CNTLN: variants seen among roughly 807,000 people sequenced by gnomAD.
The protein encoded by CNTLN is centlein, centrosomal protein.
In CNTLN, 212 loss-of-function variants were observed where a neutral mutation model predicts 180.0. That is an observed-to-expected ratio of 1.18 (90% CI 1.05 to 1.32). The LOEUF is 1.32. Among genes scored for constraint, CNTLN ranks in the 40% most tolerant of loss-of-function variants. The probability of loss-of-function intolerance (pLI) is 0.00; values close to 1 mark genes in which losing one functional copy is unlikely to be tolerated. For synonymous variants in CNTLN, 722 were observed against 563.1 expected, an observed-to-expected ratio of 1.28 and a Z score of -3.99; for missense variants, 2,095 against 1,610.9, an observed-to-expected ratio of 1.30 and a Z score of -5.14.
rs112743663 is a variant in CNTLN, at chr9:17,190,165, C to T, written c.450-36038C>T. 9.6e-3 allele frequency among the ~76,000 whole-genome samples: 1,425 copies of T among 147,962 alleles called. 38 individuals carry two copies. Among genetic ancestry groups the T allele is most frequent in the African/African-American group, 0.035 (1,374 of 39,734 alleles). On this transcript the variant is annotated intron_variant, in intron 2 of 25. Transcript: ENST00000380647. ...GGAACACTGTCTCTATCTAGTAAGC[C>T]GGGGGCAATCATAGAACTTACTTCA...
chr9:17,277,120 A>T (rs899753555), intron 6 of CNTLN, among the ~76,000 whole-genome samples: 1 of 76,380 alleles, frequency 1.3e-5, no homozygotes, highest in Non-Finnish European at 2.7e-5. Context: ...ATAGTCATTT[A>T]TATTTTATTG....
At chr9:17,461,698 A>G (rs913434063) in intron 19 of CNTLN, among the ~76,000 whole-genome samples, 2 of 151,702 alleles carry the variant, frequency 1.3e-5, no homozygotes, top group African/African-American at 4.8e-5. Context: ...ATTGTAGTTT[A>G]GAAATATTAG....
intron 2 of CNTLN, among the ~76,000 whole-genome samples, chr9:17,177,834 A>G (rs909544212): frequency 3.7e-4 from 56 of 152,190 alleles, no homozygotes; most frequent in Non-Finnish European, 7.8e-4. Context: ...CAAAGCTTCC[A>G]CAGTATGGAA....
intron 6 of CNTLN, among the ~76,000 whole-genome samples, chr9:17,285,331 A>C (rs1381967395): frequency 6.7e-6 from 1 of 149,790 alleles, no homozygotes; most frequent in Admixed American, 6.6e-5. Context: ...AAAGGACACG[A>C]ACTCATCATT....
At chr9:17,389,341 T>A (rs1012717526) in intron 14 of CNTLN, among the ~76,000 whole-genome samples, 1 of 152,238 alleles carries the variant, frequency 6.6e-6, no homozygotes, top group South Asian at 2.1e-4. Context: ...CACACTAGCT[T>A]ATCACCGTTT....
chr9:17,418,959 T>G (rs762097593), intron 18 of CNTLN, among the ~76,000 whole-genome samples: 17 of 152,114 alleles, frequency 1.1e-4, no homozygotes, highest in Non-Finnish European at 1.6e-4. Flanking sequence ...CATTGCAATG[T>G]GTTTTAAACC....
chr9:17,301,694 C>G lies in CNTLN; in HGVS notation c.1146+3342C>G, dbSNP rs188757543. ...TTTCATTAGTATCCTCAACTAGACT[C>G]AATTTGAAAATATTCTTCTTATTTA... is the stretch of plus-strand genomic sequence containing the variant. On this transcript the variant is annotated intron_variant, in intron 7 of 25. Transcript: ENST00000380647. 6.2e-6 allele frequency: 6 copies of G among 961,752 alleles called. No homozygotes were observed. In the African/African-American group the frequency reaches 7.1e-5, roughly 11 times the overall value. The allele number at this position is 961,752 out of a possible 1,614,324, so 59.6% of individuals were successfully genotyped here. A position where few individuals can be genotyped will look rare whatever the true frequency, so the allele number is the denominator to read the frequency against.
At chr9:17,346,749 G>T (rs751990228) in intron 12 of CNTLN, among the ~76,000 whole-genome samples, 1 of 152,100 alleles carries the variant, frequency 6.6e-6, no homozygotes, top group Non-Finnish European at 1.5e-5. Flanking sequence ...TGAATCCCTA[G>T]GTTTGTGACT....
intron 12 of CNTLN, among the ~76,000 whole-genome samples, chr9:17,345,729 A>T (rs1348183676): frequency 6.6e-6 from 1 of 152,050 alleles, no homozygotes; most frequent in East Asian, 1.9e-4. Context: ...TCATCACAAG[A>T]TGTGATAGGT....
chr9:17,297,413 AT>A (rs1818024688), intron 6 of CNTLN, among the ~76,000 whole-genome samples: 2 of 152,208 alleles, frequency 1.3e-5, no homozygotes, highest in Admixed American at 1.3e-4. Flanking sequence ...CTTTATAAAT[AT>A]TTCTCGGTTC....
In CNTLN at chr9:17,502,967, G is replaced by A. The variant is rs747621754; in HGVS notation, c.*315G>A. 7.1e-4 allele frequency: 114 copies of A among 160,586 alleles called. No homozygotes were observed. Among genetic ancestry groups the A allele is most frequent in the Admixed American group, 2.1e-3 (33 of 15,480 alleles). 9.9% of individuals were successfully genotyped at this position (160,586 alleles called of 1,614,324 possible). On this transcript the variant is annotated 3_prime_UTR_variant, in exon 26 of 26. Coordinates refer to ENST00000380647, the MANE Select transcript of CNTLN (RefSeq NM_017738.4). ...AGGCTTGGTACACACAAATTGGCCTGAGCATAAGAAGAAAAAGTATCAACT... is the reference window on the plus strand; with the variant it reads ...AGGCTTGGTACACACAAATTGGCCTAAGCATAAGAAGAAAAAGTATCAACT...
chr9:17,266,734 C>A (rs561968666), intron 5 of CNTLN, among the ~76,000 whole-genome samples: 4 of 152,084 alleles, frequency 2.6e-5, no homozygotes, highest in Non-Finnish European at 5.9e-5. Flanking sequence ...GTATTGGGTG[C>A]ATATATATTT....
intron 2 of CNTLN, among the ~76,000 whole-genome samples, chr9:17,164,564 G>A (rs951489443): frequency 8.0e-5 from 11 of 138,336 alleles, no homozygotes; most frequent in South Asian, 7.0e-4. Context: ...TCCCTGGTTC[G>A]GCCTCCCGAG....
At chr9:17,245,536 A>G (rs556031153) in intron 5 of CNTLN, among the ~76,000 whole-genome samples, 21 of 151,138 alleles carry the variant, frequency 1.4e-4, no homozygotes, top group East Asian at 7.8e-4. Flanking sequence ...TTTGGGTTAC[A>G]TCTACTTCAT....
At chr9:17,207,053 C>T (rs981783911) in intron 2 of CNTLN, among the ~76,000 whole-genome samples, 1 of 152,160 alleles carries the variant, frequency 6.6e-6, no homozygotes, top group Admixed American at 6.5e-5. Context: ...GGTGAATCCG[C>T]CACAGTCTGG....
intron 1 of CNTLN, among the ~76,000 whole-genome samples, chr9:17,139,930 C>T (rs758855481): frequency 7.2e-5 from 11 of 152,054 alleles, no homozygotes; most frequent in Admixed American, 2.0e-4. Context: ...AGGTTGGTCT[C>T]GAACGTCTGG....
rs76150432 is a variant in CNTLN, at chr9:17,209,025, G to A, written c.450-17178G>A. 5.1e-3 allele frequency among the ~76,000 whole-genome samples: 768 copies of A among 151,920 alleles called. 3 individuals are homozygous for A. Among genetic ancestry groups the A allele is most frequent in the African/African-American group, 0.017 (714 of 41,460 alleles). The stretch of plus-strand genomic sequence containing the variant: ...CTTTCCTAGTTCTTTAAGATCAATG[G>A]TTAGGTTGTTTATTTGAAGTTTTCC... On this transcript the variant is annotated intron_variant, in intron 2 of 25. Transcript: ENST00000380647.
intron 2 of CNTLN, chr9:17,167,596 C>G (rs368383808): frequency 6.6e-6 from 1 of 152,172 alleles, no homozygotes; most frequent in Non-Finnish European, 1.5e-5. Context: ...ATTTTCTGCT[C>G]TGATGTTAAC....
At chr9:17,344,139 A>T (rs1821698363) in intron 12 of CNTLN, among the ~76,000 whole-genome samples, 2 of 111,218 alleles carry the variant, frequency 1.8e-5, no homozygotes, top group South Asian at 4.8e-4. Flanking sequence ...CCTATAAATG[A>T]TTGATTTGGA....
Sources: allele counts gnomAD v4.1 joint callset (sites outside exome capture counted in the v4.1 genomes callset), GRCh38; gene constraint gnomAD v4.1.1; transcripts MANE v1.5; gene names NCBI Gene and HGNC (gene_info 2026-07-23, HGNC 2026-07-21).